DEPDC5: variants seen among roughly 807,000 people sequenced by gnomAD.
DEPDC5 encodes DEP domain containing 5, GATOR1 subcomplex subunit, also known as GATOR1 complex protein DEPDC5.
Under a neutral mutation model 217.3 loss-of-function variants are expected in DEPDC5, and 73 were observed. The observed-to-expected ratio is 0.34, with a 90% confidence interval of 0.28 to 0.41. The LOEUF (loss-of-function observed/expected upper bound fraction) is 0.41, where lower values mean the gene tolerates loss of function less well. Ranked by LOEUF, DEPDC5 falls within the 10% of genes least tolerant of loss-of-function variation. The pLI, the probability that DEPDC5 is intolerant of heterozygous loss-of-function variation, is 1.00. For missense variants in DEPDC5, 1,675 were observed against 2,070.1 expected, an observed-to-expected ratio of 0.81 and a Z score of 3.70; for synonymous variants, 733 against 756.7, an observed-to-expected ratio of 0.97 and a Z score of 0.51.
At chr22:31,794,222 T>C (rs139834231) in intron 12 of DEPDC5, among the ~76,000 whole-genome samples, 43 of 152,256 alleles carry the variant, frequency 2.8e-4, no homozygotes, top group Non-Finnish European at 5.1e-4. Context: ...CCTAGGAGAA[T>C]TTTATGAGAG....
At chr22:31,756,607 T>C (rs2081961304) in intron 2 of DEPDC5, among the ~76,000 whole-genome samples, 1 of 152,194 alleles carries the variant, frequency 6.6e-6, no homozygotes, top group Admixed American at 6.6e-5. Flanking sequence ...TATCCAGTCT[T>C]CTGCAAGACT....
chr22:31,897,643 C>A lies in DEPDC5; in HGVS notation c.4365C>A (p.His1455Gln). 1 of 1,613,920 alleles carries A rather than the reference C, an allele frequency of 6.2e-7. No homozygotes were observed. Among genetic ancestry groups the A allele is most frequent in the South Asian group, 1.1e-5 (1 of 91,070 alleles). ...GCTTGCTCAAGGAGGGCAGCGAGCA[C>A]CTGTTTGATAGTAAGAAATATTCCC... ...ISCLLKEGSE[H>Q]LFDSFEPETY... Residue 1455 changes from histidine (H) to glutamine (Q), a missense_variant, in exon 40 of 43, where the codon CAC becomes CAA. His to Gln is a conservative substitution (Grantham distance 24). Transcript: ENST00000651528.
intron 37 of DEPDC5, among the ~76,000 whole-genome samples, chr22:31,879,201 G>A (rs998948338): frequency 6.6e-6 from 1 of 151,316 alleles, no homozygotes; most frequent in Non-Finnish European, 1.5e-5. Context: ...ACAGCTCAGT[G>A]CATTTAGTAC....
At chr22:31,778,075 T>C in intron 7 of DEPDC5, 24 bp from the exon 8 acceptor site, 1 of 1,613,636 alleles carries the variant, frequency 6.2e-7, no homozygotes, top group Non-Finnish European at 8.5e-7. Flanking sequence ...AGACTTGTAA[T>C]AACTTGTGTG....
chr22:31,877,517 C>T (rs2093034645), intron 37 of DEPDC5, among the ~76,000 whole-genome samples: 1 of 146,000 alleles, frequency 6.8e-6, no homozygotes, highest in East Asian at 2.0e-4. Flanking sequence ...TTTGGGAGGC[C>T]AAGGCCGGCA....
chr22:31,870,568 T>C, intron 33 of DEPDC5, 22 bp from the exon 34 acceptor site: 1 of 1,482,740 alleles, frequency 6.7e-7, no homozygotes, highest in Non-Finnish European at 9.0e-7. Flanking sequence ...GAATCAAGTA[T>C]TCATTTTTAA....
chr22:31,795,823 C>T (rs1272054080), intron 12 of DEPDC5, among the ~76,000 whole-genome samples: 3 of 151,916 alleles, frequency 2.0e-5, no homozygotes, highest in Non-Finnish European at 1.5e-5. Flanking sequence ...CTCCGCCTCC[C>T]GGATGCAAGC....
chr22:31,823,449 C>T (rs1251497178), intron 24 of DEPDC5, among the ~76,000 whole-genome samples: 1 of 149,276 alleles, frequency 6.7e-6, no homozygotes, highest in East Asian at 2.0e-4. Flanking sequence ...AGGAGAATCT[C>T]ATGAACCTGG....
chr22:31,829,626 G>A (rs987457298), intron 24 of DEPDC5, among the ~76,000 whole-genome samples: 1 of 152,128 alleles, frequency 6.6e-6, no homozygotes, highest in African/African-American at 2.4e-5. Context: ...GCACTCAAGC[G>A]TGACTCAGTC....
At chr22:31,801,052 G>A (rs2086818188) in intron 14 of DEPDC5, among the ~76,000 whole-genome samples, 1 of 151,190 alleles carries the variant, frequency 6.6e-6, no homozygotes, top group African/African-American at 2.4e-5. Context: ...CAGCACTTTC[G>A]GAGGCTTAGG....
At chr22:31,834,879 A>C (rs1361513696) in intron 25 of DEPDC5, among the ~76,000 whole-genome samples, 1 of 152,202 alleles carries the variant, frequency 6.6e-6, no homozygotes, top group African/African-American at 2.4e-5. Flanking sequence ...CCCTCCTAGC[A>C]GTCATTTGTA....
chr22:31,826,902 T>G (rs1274732385), intron 24 of DEPDC5, among the ~76,000 whole-genome samples: 1 of 151,932 alleles, frequency 6.6e-6, no homozygotes, highest in East Asian at 1.9e-4. Flanking sequence ...ACATAGTTTT[T>G]TTTTTTTTTT....
chr22:31,842,501 G>A (rs1167218048), intron 27 of DEPDC5, among the ~76,000 whole-genome samples: 1 of 151,454 alleles, frequency 6.6e-6, no homozygotes, highest in Non-Finnish European at 1.5e-5. Context: ...CTTGAACCCA[G>A]GAGGTGGAGG....
At chr22:31,821,472 A>G (rs376101067) in intron 22 of DEPDC5, 30 bp from the exon 23 acceptor site, 2 of 1,612,074 alleles carry the variant, frequency 1.2e-6, no homozygotes, top group South Asian at 2.2e-5. Flanking sequence ...TCAGGTGGGA[A>G]TGATGCTCAG....
At position 31,906,873 on chromosome 22, in the gene DEPDC5, G is replaced by T. The variant is rs2093767676; in HGVS notation, c.*376G>T. On this transcript the variant is annotated 3_prime_UTR_variant, in exon 43 of 43. Coordinates refer to ENST00000651528, the MANE Select transcript of DEPDC5 (RefSeq NM_001242896.3). This position sits in a 1 kb window ranked among gnomAD's most constrained non-coding sequence, Gnocchi z 5.1. Reference sequence around the variant, plus strand: ...CATCCTTTTCCTTCACCATCTATGGGATATTAGGGGCAGAATCTGCCACTT... The same window carrying T: ...CATCCTTTTCCTTCACCATCTATGGTATATTAGGGGCAGAATCTGCCACTT... The T allele has an allele frequency of 2.9e-6, 1 of 349,170 alleles. No homozygotes were observed. The highest frequency in any genetic ancestry group is 3.7e-5 in the South Asian group (1 of 27,098). 21.6% of individuals were successfully genotyped at this position (349,170 alleles called of 1,614,324 possible). A position where few individuals can be genotyped will look rare whatever the true frequency, so the allele number is the denominator to read the frequency against.
Position 31,857,429 on chromosome 22 carries a change from C to CTT in DEPDC5, c.3156-13_3156-12dup. The CTT allele has an allele frequency of 6.3e-7, 1 of 1,584,320 alleles. No homozygotes were observed. Among genetic ancestry groups the CTT allele is most frequent in the Non-Finnish European group, 8.6e-7 (1 of 1,164,468 alleles). On this transcript the variant is annotated splice_polypyrimidine_tract_variant and intron_variant, in intron 31 of 42. Transcript: ENST00000651528. ...GCTCTGAGCAAGCTGCTGTCATGTG[C>CTT]TTTTCCTCCTTTCAGGTGCCTGGGA...
At chr22:31,799,130 C>G (rs1260570124) in intron 14 of DEPDC5, among the ~76,000 whole-genome samples, 1 of 151,584 alleles carries the variant, frequency 6.6e-6, no homozygotes, top group African/African-American at 2.4e-5. Context: ...TGAAACCTCC[C>G]ACTCCTGGGT....
At chr22:31,856,015 T>C (rs1163561412) in intron 31 of DEPDC5, among the ~76,000 whole-genome samples, 1 of 152,048 alleles carries the variant, frequency 6.6e-6, no homozygotes, top group Non-Finnish European at 1.5e-5. Context: ...GGAGAGCCCT[T>C]GGGCACAACA....
intron 38 of DEPDC5, chr22:31,879,982 A>C: frequency 1.9e-6 from 1 of 540,246 alleles, no homozygotes; most frequent in Non-Finnish European, 3.3e-6. Context: ...TCAAATCAGA[A>C]CATAGTGCCA....
Sources: gnomAD v4.1 joint callset for allele counts (sites outside exome capture counted in the v4.1 genomes callset) on GRCh38, gnomAD v4.1.1 for gene constraint, Gnocchi (gnomAD v3.1) non-coding constraint, MANE v1.5 for transcripts, NCBI Gene and HGNC (gene_info 2026-07-23, HGNC 2026-07-21) for gene names.